The following SOX5 variants were observed in gnomAD, a reference collection of about 807,000 sequenced individuals.
The protein encoded by SOX5 is SRY-box transcription factor 5.
Under a neutral mutation model 92.0 loss-of-function variants are expected in SOX5, and 9 were observed. That is an observed-to-expected ratio of 0.10 (90% confidence interval 0.06 to 0.17). The LOEUF is 0.17. SOX5 is among the 10% of genes least tolerant of loss of function. The pLI is 1.00. For synonymous variants in SOX5, 344 were observed against 336.3 expected (o/e 1.02, Z -0.25); for missense variants, 642 against 944.5 (o/e 0.68, Z 4.20).
At chr12:23,645,280 G>A (rs2080681846) in intron 7 of SOX5, among the ~76,000 whole-genome samples, 2 of 152,140 alleles carry the variant, frequency 1.3e-5, no homozygotes, top group South Asian at 4.1e-4. Context: ...CGGATAGGGT[G>A]AAATGCATCA....
At chr12:24,256,517 C>T (rs984028341) in intron 3 of SOX5, among the ~76,000 whole-genome samples, 6 of 152,164 alleles carry the variant, frequency 3.9e-5, no homozygotes, top group South Asian at 2.1e-4. Flanking sequence ...GAATTTTAAG[C>T]AGCTTTGTCA....
At chr12:23,966,175 A>T (rs1286639365) in intron 4 of SOX5, among the ~76,000 whole-genome samples, 1 of 143,264 alleles carries the variant, frequency 7.0e-6, no homozygotes, top group Non-Finnish European at 1.5e-5. Context: ...CCGCCTCCCC[A>T]GATTTCTTCA....
chr12:23,794,131 C>T (rs1224082905), intron 3 of SOX5, among the ~76,000 whole-genome samples: 4 of 151,928 alleles, frequency 2.6e-5, no homozygotes, highest in Non-Finnish European at 5.9e-5. Flanking sequence ...TCTAGATAAT[C>T]CTCTATTTTA....
Position 24,130,507 on chromosome 12 carries a change from C to T in SOX5, c.-2+82836G>A, listed in dbSNP as rs1168149899. Among the ~76,000 whole-genome samples, 3 of 152,038 alleles carry T rather than the reference C, an allele frequency of 2.0e-5. No homozygotes were observed. In the East Asian group the frequency reaches 5.8e-4, roughly 29 times the overall value. ...TGAAATCCTGCATTGTTAACTTATT[C>T]ATATATAGATATTTCATTTCAATGA... is the stretch of plus-strand genomic sequence containing the variant. On this transcript the variant is annotated intron_variant, in intron 4 of 4. Transcript: ENST00000446891.
chr12:24,533,548 T>G (rs1226824782), intron 1 of SOX5, among the ~76,000 whole-genome samples: 2 of 152,126 alleles, frequency 1.3e-5, no homozygotes, highest in African/African-American at 4.8e-5. Flanking sequence ...AAATTAAAAT[T>G]TTCAGGACAT....
At chr12:23,827,527 G>A (rs1375047208) in intron 3 of SOX5, among the ~76,000 whole-genome samples, 1 of 152,146 alleles carries the variant, frequency 6.6e-6, no homozygotes, top group African/African-American at 2.4e-5. Context: ...CTTGTTCAGG[G>A]CCTTTATTTT....
intron 2 of SOX5, among the ~76,000 whole-genome samples, chr12:23,849,382 G>T (rs1160272966): frequency 6.6e-6 from 1 of 152,150 alleles, no homozygotes; most frequent in Non-Finnish European, 1.5e-5. Context: ...TGCTTTACAT[G>T]TATTAACTCA....
chr12:24,396,825 G>A (rs1960140719), intron 1 of SOX5, among the ~76,000 whole-genome samples: 1 of 152,218 alleles, frequency 6.6e-6, no homozygotes. Flanking sequence ...TTTTTGTGGT[G>A]ACTGCAAAAA....
intron 1 of SOX5, among the ~76,000 whole-genome samples, chr12:24,378,607 T>C (rs1416642404): frequency 4.6e-5 from 7 of 152,220 alleles, no homozygotes; most frequent in Non-Finnish European, 1.0e-4. Context: ...CTCCTTCCGC[T>C]TGACTCCTAT....
At chr12:23,779,876 A>G (rs1038972548) in intron 3 of SOX5, among the ~76,000 whole-genome samples, 1 of 145,608 alleles carries the variant, frequency 6.9e-6, no homozygotes, top group Non-Finnish European at 1.5e-5. Flanking sequence ...TGCATACATG[A>G]CTAATAACCT....
At chr12:24,524,828 G>A (rs892378092) in intron 1 of SOX5, among the ~76,000 whole-genome samples, 3 of 152,070 alleles carry the variant, frequency 2.0e-5, no homozygotes, top group Non-Finnish European at 4.4e-5. Flanking sequence ...ACTCGCCTGG[G>A]TAACATAGTG....
intron 3 of SOX5, among the ~76,000 whole-genome samples, chr12:24,257,583 C>T (rs1451041363): frequency 1.3e-5 from 2 of 152,020 alleles, no homozygotes; most frequent in African/African-American, 2.4e-5. Context: ...ATTCTCCTGC[C>T]GCAGCCTCCT....
At chr12:24,296,532 G>A (rs963518123) in intron 2 of SOX5, among the ~76,000 whole-genome samples, 6 of 152,158 alleles carry the variant, frequency 3.9e-5, no homozygotes, top group African/African-American at 1.4e-4. Flanking sequence ...TGACACAGTT[G>A]TCACTTATAA....
chr12:24,498,735 G>A (rs576893478), intron 1 of SOX5, among the ~76,000 whole-genome samples: 29 of 151,906 alleles, frequency 1.9e-4, no homozygotes, highest in African/African-American at 7.0e-4. Context: ...TACACCCTTC[G>A]GCCCAAATCT....
chr12:24,359,713 T>C (rs1442341845), intron 2 of SOX5, among the ~76,000 whole-genome samples: 1 of 152,154 alleles, frequency 6.6e-6, no homozygotes, highest in Non-Finnish European at 1.5e-5. Flanking sequence ...AATACATATT[T>C]TATCAAGGGA....
intron 3 of SOX5, among the ~76,000 whole-genome samples, chr12:24,272,409 A>G (rs1415822491): frequency 6.6e-6 from 1 of 152,188 alleles, no homozygotes; most frequent in Non-Finnish European, 1.5e-5. Flanking sequence ...CTAGAAAAAT[A>G]CTAAATAGCA....
intron 1 of SOX5, among the ~76,000 whole-genome samples, chr12:24,558,099 T>C (rs560128706): frequency 2.0e-5 from 3 of 152,316 alleles, no homozygotes; most frequent in African/African-American, 4.8e-5. Flanking sequence ...TTTATCTCTA[T>C]GGAATTAGAC....
intron 2 of SOX5, among the ~76,000 whole-genome samples, chr12:24,353,261 G>A (rs1169566203): frequency 6.6e-6 from 1 of 152,180 alleles, no homozygotes; most frequent in African/African-American, 2.4e-5. Flanking sequence ...TGAGAGGTGT[G>A]TACCCTCTAT....
chr12:24,246,998 T>C (rs990689990), intron 3 of SOX5, among the ~76,000 whole-genome samples: 2 of 151,984 alleles, frequency 1.3e-5, no homozygotes, highest in Non-Finnish European at 1.5e-5. Context: ...AAAATCACAT[T>C]TTAAAAAAAG....
Sources: gnomAD v4.1 joint callset for allele counts (sites outside exome capture counted in the v4.1 genomes callset) on GRCh38, gnomAD v4.1.1 for gene constraint, MANE v1.5 for transcripts, NCBI Gene and HGNC (gene_info 2026-07-23, HGNC 2026-07-21) for gene names.